Variants in CACNA2D3 observed in about 807,000 individuals in gnomAD.
CACNA2D3 encodes the protein voltage-dependent calcium channel subunit alpha-2/delta-3.
Under a neutral mutation model 160.6 loss-of-function variants are expected in CACNA2D3, and 60 were observed. The ratio of observed to expected loss-of-function variants is 0.37; its 90% CI spans 0.30 to 0.46. CACNA2D3 has a LOEUF of 0.46. Among genes scored for constraint, CACNA2D3 ranks in the 20% least tolerant of loss-of-function variants. The probability of loss-of-function intolerance (pLI) is 1.00; values close to 1 mark genes in which losing one functional copy is unlikely to be tolerated. For missense variants in CACNA2D3, 1,205 were observed against 1,365.0 expected, an observed-to-expected ratio of 0.88 and a Z score of 1.85; for synonymous variants, 558 against 492.9, an observed-to-expected ratio of 1.13 and a Z score of -1.75.
chr3:54,138,554 C>T (rs886106076), intron 2 of CACNA2D3, among the ~76,000 whole-genome samples: 10 of 152,214 alleles, frequency 6.6e-5, no homozygotes, highest in East Asian at 3.9e-4. Flanking sequence ...TTTCACATCT[C>T]CTTCTCTGAC....
intron 2 of CACNA2D3, among the ~76,000 whole-genome samples, chr3:54,155,952 T>C (rs1215033583): frequency 6.6e-6 from 1 of 152,240 alleles, no homozygotes; most frequent in Non-Finnish European, 1.5e-5. Context: ...CATGTGATCT[T>C]GGCCTTTTCA....
intron 4 of CACNA2D3, among the ~76,000 whole-genome samples, chr3:54,427,764 TC>T: frequency 6.6e-6 from 1 of 152,214 alleles, no homozygotes. Flanking sequence ...GTTAATAACA[TC>T]CCCAAGGTCA....
intron 4 of CACNA2D3, among the ~76,000 whole-genome samples, chr3:54,403,645 AAATC>A (rs1218521336): frequency 1.3e-5 from 2 of 152,176 alleles, no homozygotes; most frequent in African/African-American, 4.8e-5. Context: ...GAAATAATAA[AAATC>A]AGAACAGAAA....
intron 4 of CACNA2D3, among the ~76,000 whole-genome samples, chr3:54,421,421 C>A (rs1437360046): frequency 2.0e-5 from 3 of 152,196 alleles, no homozygotes; most frequent in African/African-American, 7.2e-5. Flanking sequence ...TTTGCTTTTG[C>A]TCCCTCTGCC....
At chr3:54,811,298 A>G (rs1213184801) in intron 13 of CACNA2D3, among the ~76,000 whole-genome samples, 1 of 151,982 alleles carries the variant, frequency 6.6e-6, no homozygotes, top group East Asian at 1.9e-4. Flanking sequence ...CTTCTCAGTA[A>G]ATGGCAGCTC....
chr3:54,333,587 A>G (rs961111258), intron 3 of CACNA2D3, among the ~76,000 whole-genome samples: 1 of 136,030 alleles, frequency 7.4e-6, no homozygotes, highest in Admixed American at 7.2e-5. Context: ...GGAGAGCACA[A>G]ATCTTTTGTA....
intron 9 of CACNA2D3, among the ~76,000 whole-genome samples, chr3:54,617,881 A>G (rs1334808070): frequency 6.6e-6 from 1 of 151,678 alleles, no homozygotes; most frequent in Non-Finnish European, 1.5e-5. Context: ...CCCTTCACTG[A>G]GACAGCTGCA....
At chr3:54,910,982 C>G (rs368846482) in intron 27 of CACNA2D3, among the ~76,000 whole-genome samples, 1 of 152,174 alleles carries the variant, frequency 6.6e-6, no homozygotes, top group Non-Finnish European at 1.5e-5. Context: ...TTCCACGTAT[C>G]TTGTGCCCAA....
At chr3:54,687,166 G>T in intron 11 of CACNA2D3, among the ~76,000 whole-genome samples, 1 of 104,410 alleles carries the variant, frequency 9.6e-6, no homozygotes, top group Non-Finnish European at 1.8e-5. Context: ...TTTGACACTG[G>T]GCCTCACCCT....
intron 11 of CACNA2D3, among the ~76,000 whole-genome samples, chr3:54,697,258 A>T (rs1700681910): frequency 6.6e-6 from 1 of 152,160 alleles, no homozygotes; most frequent in Non-Finnish European, 1.5e-5. Flanking sequence ...AACCTGGATG[A>T]CAGAGACCCC....
At chr3:54,387,658 A>AAGTAAG (rs1553643352) in intron 4 of CACNA2D3, among the ~76,000 whole-genome samples, 3 of 151,148 alleles carry the variant, frequency 2.0e-5, no homozygotes, top group African/African-American at 4.9e-5. Flanking sequence ...TCTCAAATAA[A>AAGTAAG]TAAGTAAGTA....
In CACNA2D3 at chr3:54,710,048, A is replaced by G. The variant is rs571532649; in HGVS notation, c.1168-42551A>G. ...GAGAGAGGTGGGAGTCAAAAATCAGAGAATCGACTCATTCATTTGCTAAAT... is the reference window on the plus strand; with the variant it reads ...GAGAGAGGTGGGAGTCAAAAATCAGGGAATCGACTCATTCATTTGCTAAAT... On this transcript the variant is annotated intron_variant, in intron 11 of 37. Coordinates refer to ENST00000474759, the MANE Select transcript of CACNA2D3 (RefSeq NM_018398.3). Among the ~76,000 whole-genome samples the G allele has an allele frequency of 3.3e-5, 5 of 152,332 alleles. No individual in the cohort carries two copies. The South Asian group carries it at 1.0e-3, about 32-fold the overall frequency.
chr3:54,735,000 T>C (rs1701468310), intron 11 of CACNA2D3, among the ~76,000 whole-genome samples: 1 of 152,240 alleles, frequency 6.6e-6, no homozygotes, highest in Admixed American at 6.5e-5. Flanking sequence ...ATTAAGGCAC[T>C]ACCTCCAGTC....
At chr3:54,982,140 C>G (rs1262758354) in intron 29 of CACNA2D3, among the ~76,000 whole-genome samples, 1 of 152,180 alleles carries the variant, frequency 6.6e-6, no homozygotes, top group African/African-American at 2.4e-5. Context: ...CTTATCCTGT[C>G]ACCCATAGCC....
chr3:54,919,968 C>A (rs1700788764), intron 27 of CACNA2D3, among the ~76,000 whole-genome samples: 2 of 152,118 alleles, frequency 1.3e-5, no homozygotes, highest in Admixed American at 1.3e-4. Context: ...GCAGGATGGC[C>A]CTCGGCACTG....
At chr3:54,640,559 T>C (rs1381185089) in intron 10 of CACNA2D3, among the ~76,000 whole-genome samples, 1 of 152,200 alleles carries the variant, frequency 6.6e-6, no homozygotes, top group Non-Finnish European at 1.5e-5. Flanking sequence ...GCTGCTAAAA[T>C]CTTACATAAA....
chr3:54,733,703 A>T lies in CACNA2D3; in HGVS notation c.1168-18896A>T, dbSNP rs181236552. ...GAGAACACATGCATGTTGTTGGGGT[A>T]TGGAAAATGATAAAGGGAAGTTAAA... is the stretch of plus-strand genomic sequence containing the variant. On this transcript the variant is annotated intron_variant, in intron 11 of 37. Coordinates refer to ENST00000474759, the MANE Select transcript of CACNA2D3 (RefSeq NM_018398.3). Among the ~76,000 whole-genome samples, 886 of 152,328 alleles carry T rather than the reference A, an allele frequency of 5.8e-3. 7 individuals carry two copies. The highest frequency in any genetic ancestry group is 9.0e-3 in the Non-Finnish European group (611 of 68,026).
intron 11 of CACNA2D3, among the ~76,000 whole-genome samples, chr3:54,688,007 G>A (rs1250102326): frequency 6.6e-6 from 1 of 152,068 alleles, no homozygotes; most frequent in Non-Finnish European, 1.5e-5. Context: ...TTGTCTTTGC[G>A]TCGTTATTAA....
intron 8 of CACNA2D3, among the ~76,000 whole-genome samples, chr3:54,575,863 G>A (rs1702572082): frequency 1.3e-5 from 2 of 152,194 alleles, no homozygotes; most frequent in Non-Finnish European, 2.9e-5. Flanking sequence ...ATTTGCAGGT[G>A]TAAGATCCCC....
Sources: allele counts gnomAD v4.1 joint callset (sites outside exome capture counted in the v4.1 genomes callset), GRCh38; gene constraint gnomAD v4.1.1; transcripts MANE v1.5; gene names NCBI Gene and HGNC (gene_info 2026-07-23, HGNC 2026-07-21).